The following PCDHGA9 variants were observed in gnomAD, a reference collection of about 807,000 sequenced individuals.
PCDHGA9 encodes protocadherin gamma-A9.
In PCDHGA9, 37 loss-of-function variants were observed where a neutral mutation model predicts 62.5. The ratio of observed to expected loss-of-function variants is 0.59; its 90% CI spans 0.46 to 0.78. PCDHGA9 has a LOEUF of 0.78. Ranked by LOEUF, PCDHGA9 falls within the 30% of genes least tolerant of loss-of-function variation. The probability of loss-of-function intolerance (pLI) is 0.00; values close to 1 mark genes in which losing one functional copy is unlikely to be tolerated. For missense variants in PCDHGA9, 1,138 were observed against 1,166.2 expected (o/e 0.98, Z 0.35); for synonymous variants, 459 against 484.6 (o/e 0.95, Z 0.69).
chr5:141,478,563 C>A, intron 1 of PCDHGA9: 2 of 1,596,270 alleles, frequency 1.3e-6, no homozygotes, highest in South Asian at 1.1e-5. Context: ...TTTAGCAAGT[C>A]ATGCTTGACC....
rs760680204 is a variant in PCDHGA9, at chr5:141,477,505, CG to C, written c.2425-17301del. ...CACAATCTTCTCAATCTTCCTACGA[CG>C]TTTACATTGAAGAAAACAACCTCCC... On this transcript the variant is annotated intron_variant, in intron 1 of 3. Coordinates refer to ENST00000573521, the MANE Select transcript of PCDHGA9 (RefSeq NM_018921.3). The surrounding 1 kb of genome is among the most constrained non-coding windows in gnomAD (Gnocchi z 4.9). The C allele has an allele frequency of 1.2e-5, 19 of 1,614,008 alleles. No individual in the cohort carries two copies. The highest frequency in any genetic ancestry group is 8.5e-7 in the Non-Finnish European group (1 of 1,180,018).
chr5:141,478,700 C>T (rs1171617240), intron 1 of PCDHGA9: 2 of 1,549,172 alleles, frequency 1.3e-6, no homozygotes, highest in South Asian at 1.2e-5. Flanking sequence ...AAAGTTAGTG[C>T]CTTTGTGAGA....
At position 141,404,328 on chromosome 5, in the gene PCDHGA9, T is replaced by G. The variant is rs1300173055; in HGVS notation, c.1376T>G (p.Val459Gly). ...PPAFSQASYSVYLPENNARGT... is the reference protein window; with the variant it reads ...PPAFSQASYSGYLPENNARGT... Reference sequence around the variant, plus strand: ...GCTTTCTCTCAAGCCTCCTACTCAGTCTACCTCCCGGAAAACAACGCCAGA... The same window carrying G: ...GCTTTCTCTCAAGCCTCCTACTCAGGCTACCTCCCGGAAAACAACGCCAGA... Residue 459 changes from valine (V) to glycine (G), a missense_variant, in exon 1 of 4, where the codon GTC (valine) becomes GGC (glycine). By Grantham distance (109) the Val-to-Gly change is moderately radical. Transcript: ENST00000573521. The G allele has an allele frequency of 1.9e-6, 3 of 1,613,902 alleles. No individual in the cohort carries two copies. Among genetic ancestry groups the G allele is most frequent in the Non-Finnish European group, 2.5e-6 (3 of 1,179,824 alleles).
chr5:141,426,394 A>G (rs1353766048), intron 1 of PCDHGA9: 1 of 258,122 alleles, frequency 3.9e-6, no homozygotes, highest in African/African-American at 2.2e-5. Flanking sequence ...CCGCTACTCT[A>G]TTCCAGAAGA....
chr5:141,493,206 C>A lies in PCDHGA9; in HGVS notation c.2425-1601C>A, dbSNP rs191090598. Among the ~76,000 whole-genome samples the A allele has an allele frequency of 2.4e-3, 368 of 152,322 alleles. 2 individuals carry two copies. Among genetic ancestry groups the A allele is most frequent in the Admixed American group, 4.5e-3 (69 of 15,296 alleles). On this transcript the variant is annotated intron_variant, in intron 1 of 3. Transcript: ENST00000573521. This position sits in a 1 kb window ranked among gnomAD's most constrained non-coding sequence, Gnocchi z 4.3. ...TATAACTCCTTTGAGAACCTCATCT[C>A]ATTTGCTCTTCCCACCATTGCTGTT...
rs549801775 is a variant in PCDHGA9 at position 141,419,346 on chromosome 5, T to C, written c.2424+13970T>C. The C allele has an allele frequency of 6.2e-7, 1 of 1,613,828 alleles. No individual in the cohort carries two copies. The highest frequency in any genetic ancestry group is 2.2e-5 in the East Asian group (1 of 44,886). ...TCCTACTCTCTCATTGCCAGCGACCTGGAGTCACGAACGCTGTCGTCCTAC... is the reference window on the plus strand; with the variant it reads ...TCCTACTCTCTCATTGCCAGCGACCCGGAGTCACGAACGCTGTCGTCCTAC... On this transcript the variant is annotated intron_variant, in intron 1 of 3. Coordinates refer to ENST00000573521, the MANE Select transcript of PCDHGA9 (RefSeq NM_018921.3).
At chr5:141,433,397 A>G (rs189987785) in intron 1 of PCDHGA9, among the ~76,000 whole-genome samples, 270 of 150,524 alleles carry the variant, frequency 1.8e-3, no homozygotes, top group Non-Finnish European at 3.1e-3. Context: ...CTATCTATCT[A>G]TCTATCTATT....
intron 1 of PCDHGA9, chr5:141,427,255 G>C (rs1369151995): frequency 2.2e-6 from 1 of 456,746 alleles, no homozygotes; most frequent in Non-Finnish European, 4.4e-6. Flanking sequence ...GATGGTGGAG[G>C]CATGACCAGC....
Position 141,403,336 on chromosome 5 carries a change from C to T in PCDHGA9, c.384C>T (p.Asp128=), listed in dbSNP as rs2094393288. 3 of 1,614,032 alleles carry T rather than the reference C, an allele frequency of 1.9e-6. No homozygotes were observed. The highest frequency in any genetic ancestry group is 2.5e-6 in the Non-Finnish European group (3 of 1,179,910). ...AAATAGAAGTAACTGATATTAACGA[C>T]AGCGCCCCAAAGTTCCAGGCCGAAA... ...GIEIEVTDIN[D]SAPKFQAESL... Residue 128 remains aspartate (D), a synonymous_variant, in exon 1 of 4, where the codon GAC becomes GAT. Transcript: ENST00000573521.
At chr5:141,415,740 GTT>G (rs57426385) in intron 1 of PCDHGA9, 13,277 of 614,848 alleles carry the variant, frequency 0.022, 3 homozygotes, top group South Asian at 0.023. Context: ...GTTTATTAAG[GTT>G]TTTTTTTTTT....
intron 2 of PCDHGA9, among the ~76,000 whole-genome samples, chr5:141,495,262 A>G (rs550950979): frequency 1.3e-5 from 2 of 152,246 alleles, no homozygotes; most frequent in South Asian, 2.1e-4. Flanking sequence ...GCAGAAAAGC[A>G]TTTGACCGGA....
At chr5:141,419,086 C>G (rs2096324558) in intron 1 of PCDHGA9, 1 of 1,613,808 alleles carries the variant, frequency 6.2e-7, no homozygotes, top group African/African-American at 1.3e-5. Context: ...CAGATGAGGC[C>G]CTGGATCGGG....
At chr5:141,470,858 TTTTG>T (rs775688955) in intron 1 of PCDHGA9, among the ~76,000 whole-genome samples, 79 of 151,956 alleles carry the variant, frequency 5.2e-4, no homozygotes, top group Non-Finnish European at 3.5e-4. Context: ...CAGATAAGTT[TTTTG>T]TTTGTTTGTT....
intron 1 of PCDHGA9, among the ~76,000 whole-genome samples, chr5:141,482,981 A>T (rs1377809325): frequency 6.7e-6 from 1 of 150,250 alleles, no homozygotes; most frequent in Admixed American, 6.6e-5. Flanking sequence ...GCTACTTGAG[A>T]GGTCGAGGCA....
chr5:141,494,820 AC>A lies in PCDHGA9; in HGVS notation c.2439del (p.Asn813LysfsTer39). 6.2e-7 allele frequency: 1 copy of A among 1,613,988 alleles called. No homozygotes were observed. The highest frequency in any genetic ancestry group is 2.2e-5 in the East Asian group (1 of 44,874). On this transcript the variant is annotated frameshift_variant, in exon 2 of 4. Coordinates refer to ENST00000573521, the MANE Select transcript of PCDHGA9 (RefSeq NM_018921.3). LOFTEE classifies it high-confidence loss of function. ...TTTTCTCCACAGCAAGCCCCGCCCA[AC>A]ACGGACTGGCGTTTCTCTCAGGCCC... ...DTPLVPQAPP[N>X]TDWRFSQAQR...
intron 1 of PCDHGA9, among the ~76,000 whole-genome samples, chr5:141,475,629 C>T (rs77593456): frequency 0.054 from 8,157 of 152,234 alleles, 446 homozygotes; most frequent in African/African-American, 0.15. Flanking sequence ...TGGTTCGATC[C>T]CCTTTCTTGT....
At chr5:141,430,656 G>A in intron 1 of PCDHGA9, 1 of 1,092,670 alleles carries the variant, frequency 9.2e-7, no homozygotes, top group Non-Finnish European at 1.3e-6. Context: ...GGAAACAACG[G>A]AGGAGCTCTG....
intron 1 of PCDHGA9, chr5:141,421,835 G>A (rs755889809): frequency 5.6e-6 from 9 of 1,613,746 alleles, no homozygotes; most frequent in Non-Finnish European, 6.8e-6. Context: ...AGCCTGGACC[G>A]AGAGAAAGAG....
At chr5:141,421,721 T>G in intron 1 of PCDHGA9, 1 of 1,613,940 alleles carries the variant, frequency 6.2e-7, no homozygotes, top group Non-Finnish European at 8.5e-7. Flanking sequence ...GATGTGGGCG[T>G]GAACTCCCTC....
Sources: allele counts gnomAD v4.1 joint callset (sites outside exome capture counted in the v4.1 genomes callset), GRCh38; gene constraint gnomAD v4.1.1; non-coding constraint Gnocchi (gnomAD v3.1); transcripts MANE v1.5; gene names NCBI Gene and HGNC (gene_info 2026-07-23, HGNC 2026-07-21).